EPHA6: variants seen among roughly 807,000 people sequenced by gnomAD.
EPHA6 encodes ephrin type-A receptor 6.
In EPHA6, 50 loss-of-function variants were observed where a neutral mutation model predicts 112.0. That is an observed-to-expected ratio of 0.45 (90% CI 0.36 to 0.56). The LOEUF is 0.56. Ranked by LOEUF, EPHA6 falls within the 20% of genes least tolerant of loss-of-function variation. The pLI, the probability that EPHA6 is intolerant of heterozygous loss-of-function variation, is 0.00. For missense variants in EPHA6, 1,280 were observed against 1,417.4 expected (o/e 0.90, Z 1.56); for synonymous variants, 529 against 490.7 (o/e 1.08, Z -1.03).
intron 5 of EPHA6, among the ~76,000 whole-genome samples, chr3:97,274,421 G>T (rs1028686343): frequency 2.6e-5 from 4 of 152,190 alleles, no homozygotes; most frequent in Non-Finnish European, 5.9e-5. Flanking sequence ...AAGTAAAGCG[G>T]CCTTGAGCAG....
intron 3 of EPHA6, among the ~76,000 whole-genome samples, chr3:96,995,893 A>T (rs1234037766): frequency 6.6e-6 from 1 of 152,046 alleles, no homozygotes; most frequent in Admixed American, 6.6e-5. Flanking sequence ...TACCTGTGTC[A>T]ATTTCTTAAG....
At chr3:97,369,203 A>T (rs976394968) in intron 5 of EPHA6, among the ~76,000 whole-genome samples, 7 of 152,204 alleles carry the variant, frequency 4.6e-5, no homozygotes, top group Non-Finnish European at 1.5e-5. Context: ...TGCAAGTAAT[A>T]GATTTGGATT....
intron 7 of EPHA6, among the ~76,000 whole-genome samples, chr3:97,463,915 C>T (rs1368108829): frequency 6.6e-6 from 1 of 151,982 alleles, no homozygotes; most frequent in Non-Finnish European, 1.5e-5. Context: ...TCACATAAAC[C>T]ATGAGCTAGG....
intron 14 of EPHA6, among the ~76,000 whole-genome samples, chr3:97,708,017 C>A (rs1203449943): frequency 1.3e-5 from 2 of 152,138 alleles, no homozygotes; most frequent in Admixed American, 1.3e-4. Flanking sequence ...TGGACTAATA[C>A]AGAAAATTGG....
chr3:97,535,129 A>G (rs551742409), intron 11 of EPHA6, among the ~76,000 whole-genome samples: 1 of 152,118 alleles, frequency 6.6e-6, no homozygotes, highest in African/African-American at 2.4e-5. Context: ...TACATCAACT[A>G]AATATGTTTA....
At chr3:97,703,739 A>G (rs1409295447) in intron 14 of EPHA6, among the ~76,000 whole-genome samples, 1 of 152,302 alleles carries the variant, frequency 6.6e-6, no homozygotes, top group African/African-American at 2.4e-5. Context: ...TGATTCCTTG[A>G]ATTGGTTCAG....
At chr3:97,334,273 T>C (rs1336257604) in intron 5 of EPHA6, among the ~76,000 whole-genome samples, 9 of 151,856 alleles carry the variant, frequency 5.9e-5, no homozygotes, top group Non-Finnish European at 5.9e-5. Context: ...TTTTTCTAAT[T>C]TTGTATTAGG....
intron 10 of EPHA6, among the ~76,000 whole-genome samples, chr3:97,529,261 C>G (rs550950628): frequency 1.3e-5 from 2 of 152,036 alleles, no homozygotes; most frequent in Non-Finnish European, 2.9e-5. Flanking sequence ...CTGTTAGGTA[C>G]TTTACTTAGC....
intron 11 of EPHA6, among the ~76,000 whole-genome samples, chr3:97,583,367 G>A (rs888885424): frequency 1.3e-5 from 2 of 151,734 alleles, no homozygotes; most frequent in Non-Finnish European, 2.9e-5. Flanking sequence ...GTGAAACCCC[G>A]TCTCTACTAA....
rs201479656 is a variant in EPHA6 at position 97,475,311 on chromosome 3, A to C, written c.1895-41A>C. ...ATTGTAAAATGGTTTTAATAGTGAA[A>C]TGTCACCCAGGGAAATTTTAATATT... On this transcript the variant is annotated intron_variant, in intron 7 of 17. Transcript: ENST00000389672. 1.2e-5 allele frequency: 17 copies of C among 1,444,606 alleles called. No homozygotes were observed. In the Admixed American group the frequency reaches 1.5e-4, roughly 12 times the overall value. The allele number at this position is 1,444,606 out of a possible 1,614,324, so 89.5% of individuals were successfully genotyped here. A position where few individuals can be genotyped will look rare whatever the true frequency, so the allele number is the denominator to read the frequency against.
intron 11 of EPHA6, among the ~76,000 whole-genome samples, chr3:97,565,942 G>A (rs553488649): frequency 5.9e-5 from 9 of 151,674 alleles, no homozygotes; most frequent in Admixed American, 2.6e-4. Context: ...GCTTGAACTC[G>A]GGAGGAGGTG....
At chr3:97,193,182 A>G (rs1366560928) in intron 3 of EPHA6, among the ~76,000 whole-genome samples, 1 of 152,096 alleles carries the variant, frequency 6.6e-6, no homozygotes, top group Admixed American at 6.6e-5. Flanking sequence ...GAAGAATGTC[A>G]TTGGTATTTT....
intron 3 of EPHA6, among the ~76,000 whole-genome samples, chr3:97,055,232 T>C (rs1476834721): frequency 1.3e-5 from 2 of 152,144 alleles, no homozygotes; most frequent in Non-Finnish European, 2.9e-5. Flanking sequence ...GACATCTATT[T>C]TTAACAAACA....
intron 3 of EPHA6, among the ~76,000 whole-genome samples, chr3:97,214,548 C>T (rs1003016182): frequency 6.0e-5 from 9 of 150,614 alleles, no homozygotes; most frequent in African/African-American, 1.9e-4. Flanking sequence ...ATTTAGTTTG[C>T]CTTTAATATA....
intron 12 of EPHA6, among the ~76,000 whole-genome samples, chr3:97,610,125 A>G (rs992339845): frequency 6.6e-6 from 1 of 151,534 alleles, no homozygotes; most frequent in African/African-American, 2.4e-5. Context: ...CCAGACTACA[A>G]AATCAGAGTT....
At chr3:97,365,621 C>T (rs2084678154) in intron 5 of EPHA6, among the ~76,000 whole-genome samples, 2 of 152,090 alleles carry the variant, frequency 1.3e-5, no homozygotes, top group African/African-American at 4.8e-5. Context: ...ATCTCCTGAC[C>T]TCGTGATCCA....
At chr3:97,736,460 A>T (rs2035256545) in intron 16 of EPHA6, among the ~76,000 whole-genome samples, 1 of 145,562 alleles carries the variant, frequency 6.9e-6, no homozygotes. Flanking sequence ...AGAGAGAGAG[A>T]GAGAGAGAGA....
intron 12 of EPHA6, among the ~76,000 whole-genome samples, chr3:97,600,541 T>C (rs2093634760): frequency 6.6e-6 from 1 of 152,126 alleles, no homozygotes; most frequent in Non-Finnish European, 1.5e-5. Context: ...AGACTCCTCA[T>C]TATAAACCAG....
At chr3:96,845,499 C>T (rs938701334) in intron 1 of EPHA6, among the ~76,000 whole-genome samples, 5 of 151,920 alleles carry the variant, frequency 3.3e-5, no homozygotes, top group African/African-American at 9.7e-5. Flanking sequence ...GGTAATTGCT[C>T]TCCATGGATT....
Sources: allele counts gnomAD v4.1 joint callset (sites outside exome capture counted in the v4.1 genomes callset), GRCh38; gene constraint gnomAD v4.1.1; transcripts MANE v1.5; gene names NCBI Gene and HGNC (gene_info 2026-07-23, HGNC 2026-07-21).